The following CALN1 variants were observed in gnomAD, a reference collection of about 807,000 sequenced individuals.
The protein encoded by CALN1 is calneuron 1.
Under a neutral mutation model 30.6 loss-of-function variants are expected in CALN1, and 17 were observed. The ratio of observed to expected loss-of-function variants is 0.56; its 90% CI spans 0.38 to 0.83. The LOEUF is 0.83. Ranked by LOEUF, CALN1 falls within the 40% of genes least tolerant of loss-of-function variation. CALN1 has a pLI of 0.00. For synonymous variants in CALN1, 156 were observed against 131.4 expected, an observed-to-expected ratio of 1.19 and a Z score of -1.28; for missense variants, 291 against 354.9, an observed-to-expected ratio of 0.82 and a Z score of 1.45.
intron 4 of CALN1, among the ~76,000 whole-genome samples, chr7:72,102,526 TA>T (rs1484198369): frequency 1.3e-5 from 2 of 151,992 alleles, no homozygotes; most frequent in African/African-American, 4.8e-5. Flanking sequence ...AAAATAGACA[TA>T]AAACAAGCTG....
intron 5 of CALN1, among the ~76,000 whole-genome samples, chr7:71,884,331 G>A (rs1234994906): frequency 6.6e-6 from 1 of 152,134 alleles, no homozygotes; most frequent in Non-Finnish European, 1.5e-5. Flanking sequence ...CCTGGAGGAG[G>A]TCCAGAATCT....
chr7:71,854,392 A>G (rs754273662), intron 5 of CALN1, among the ~76,000 whole-genome samples: 2 of 152,104 alleles, frequency 1.3e-5, no homozygotes, highest in Non-Finnish European at 2.9e-5. Flanking sequence ...AAAGAAAGAA[A>G]GAAGGAAAGA....
intron 3 of CALN1, among the ~76,000 whole-genome samples, chr7:72,226,828 A>G (rs1391097306): frequency 6.6e-6 from 1 of 152,170 alleles, no homozygotes; most frequent in Non-Finnish European, 1.5e-5. Context: ...AGATGCCTTG[A>G]GGTCAGGAGT....
chr7:71,880,775 G>T (rs1288830562), intron 5 of CALN1, among the ~76,000 whole-genome samples: 1 of 152,072 alleles, frequency 6.6e-6, no homozygotes, highest in African/African-American at 2.4e-5. Context: ...TCAGTAATGG[G>T]AATTCCACAG....
chr7:71,809,995 C>CA (rs1787854096), intron 6 of CALN1, among the ~76,000 whole-genome samples: 1 of 152,024 alleles, frequency 6.6e-6, no homozygotes, highest in Admixed American at 6.6e-5. Context: ...GCCGGACAGC[C>CA]AAAATAGGCT....
chr7:72,000,797 T>C (rs1473251103), intron 5 of CALN1, among the ~76,000 whole-genome samples: 5 of 152,178 alleles, frequency 3.3e-5, no homozygotes, highest in Non-Finnish European at 7.3e-5. Context: ...AACAAAATAC[T>C]AGCAAACTGA....
chr7:72,382,024 C>T (rs1804933095), intron 2 of CALN1, among the ~76,000 whole-genome samples: 1 of 152,084 alleles, frequency 6.6e-6, no homozygotes, highest in Non-Finnish European at 1.5e-5. Flanking sequence ...AGAAGAGACT[C>T]ACAGGTAATA....
At position 71,935,905 on chromosome 7, in the gene CALN1, T is replaced by C. The variant is rs531063910; in HGVS notation, c.501+87752A>G. On this transcript the variant is annotated intron_variant, in intron 5 of 6. Coordinates refer to ENST00000395275, the MANE Select transcript of CALN1 (RefSeq NM_031468.4). ...AGGTTACATGTACCTTCTGCAGCTTTTGCTTTTAGCTAAAGCTTTTTCTGT... is the reference window on the plus strand; with the variant it reads ...AGGTTACATGTACCTTCTGCAGCTTCTGCTTTTAGCTAAAGCTTTTTCTGT... 5.3e-5 allele frequency among the ~76,000 whole-genome samples: 8 copies of C among 152,338 alleles called. No homozygotes were observed. In the South Asian group the frequency reaches 1.7e-3, roughly 32 times the overall value.
chr7:72,027,780 G>A (rs182689610), intron 4 of CALN1, among the ~76,000 whole-genome samples: 13 of 148,982 alleles, frequency 8.7e-5, no homozygotes, highest in South Asian at 2.2e-4. Flanking sequence ...AGACCTGGCC[G>A]GGCGCGGTGG....
At chr7:71,853,996 C>T (rs1402222058) in intron 5 of CALN1, among the ~76,000 whole-genome samples, 2 of 152,060 alleles carry the variant, frequency 1.3e-5, no homozygotes, top group Non-Finnish European at 2.9e-5. Context: ...TGTTTTCTTC[C>T]ACAATCCACA....
At chr7:72,336,666 G>A (rs1268266465) in intron 2 of CALN1, 81 of 983,142 alleles carry the variant, frequency 8.2e-5, no homozygotes, top group Non-Finnish European at 9.7e-5. Flanking sequence ...AAGAGAGCGC[G>A]CGCGCGGGTA....
chr7:71,823,465 A>C (rs2116338559), intron 5 of CALN1, among the ~76,000 whole-genome samples: 1 of 152,358 alleles, frequency 6.6e-6, no homozygotes, highest in East Asian at 1.9e-4. Context: ...CACGCCTGTA[A>C]TCCCAGCACT....
chr7:72,044,927 A>T (rs1171802430), intron 4 of CALN1, among the ~76,000 whole-genome samples: 37 of 152,192 alleles, frequency 2.4e-4, no homozygotes, highest in Admixed American at 2.4e-3. Context: ...GCTACAGCCT[A>T]AAACTTCTGA....
chr7:72,296,798 T>C (rs1446003274), intron 2 of CALN1, among the ~76,000 whole-genome samples: 1 of 150,982 alleles, frequency 6.6e-6, no homozygotes, highest in Non-Finnish European at 1.5e-5. Flanking sequence ...GTTGATCCTT[T>C]CAAAAAACCA....
chr7:72,424,476 A>G (rs1807734050), intron 1 of CALN1, among the ~76,000 whole-genome samples: 1 of 152,214 alleles, frequency 6.6e-6, no homozygotes, highest in Non-Finnish European at 1.5e-5. Context: ...TAGGCACACT[A>G]AACCCACCCA....
intron 3 of CALN1, among the ~76,000 whole-genome samples, chr7:72,196,222 G>GT (rs2129547149): frequency 6.6e-6 from 1 of 152,208 alleles, no homozygotes; most frequent in Non-Finnish European, 1.5e-5. Flanking sequence ...GACTCAAGCA[G>GT]TTCTCCTGCC....
At chr7:72,170,724 G>C (rs1256209434) in intron 3 of CALN1, among the ~76,000 whole-genome samples, 1 of 152,188 alleles carries the variant, frequency 6.6e-6, no homozygotes, top group Admixed American at 6.5e-5. Flanking sequence ...TAAGAAACCA[G>C]ATTTTTTGAG....
intron 5 of CALN1, among the ~76,000 whole-genome samples, chr7:72,015,553 C>A (rs1044392202): frequency 6.6e-6 from 1 of 152,068 alleles, no homozygotes; most frequent in Admixed American, 6.6e-5. Context: ...AATGTCCTCA[C>A]CTCAGCCTCC....
chr7:72,035,444 T>C (rs1281972445), intron 4 of CALN1, among the ~76,000 whole-genome samples: 1 of 152,208 alleles, frequency 6.6e-6, no homozygotes, highest in East Asian at 1.9e-4. Context: ...AGCATTTCCT[T>C]CCTTTTTTAG....
Sources: allele counts gnomAD v4.1 joint callset (sites outside exome capture counted in the v4.1 genomes callset), GRCh38; gene constraint gnomAD v4.1.1; transcripts MANE v1.5; gene names NCBI Gene and HGNC (gene_info 2026-07-23, HGNC 2026-07-21).